STK33: variants seen among roughly 807,000 people sequenced by gnomAD.
STK33 encodes serine/threonine kinase 33.
Under a neutral mutation model 58.0 loss-of-function variants are expected in STK33, and 52 were observed. The observed-to-expected ratio is 0.90, with a 90% CI of 0.72 to 1.13. The LOEUF is 1.13. STK33 is among the 50% of genes most tolerant of loss of function. The pLI, the probability that STK33 is intolerant of heterozygous loss-of-function variation, is 0.00. For synonymous variants in STK33, 215 were observed against 200.1 expected, an observed-to-expected ratio of 1.07 and a Z score of -0.63; for missense variants, 630 against 604.2, an observed-to-expected ratio of 1.04 and a Z score of -0.45.
intron 6 of STK33, chr11:8,465,782 A>C (rs1404407182): frequency 6.5e-6 from 1 of 153,008 alleles, no homozygotes; most frequent in Admixed American, 6.5e-5. Context: ...TTTCACATTC[A>C]CCATGTGTAT....
chr11:8,569,629 T>C (rs1390353962), intron 1 of STK33, among the ~76,000 whole-genome samples: 2 of 152,144 alleles, frequency 1.3e-5, no homozygotes, highest in Non-Finnish European at 2.9e-5. Context: ...CATCAAAATG[T>C]AAGACTTCTA....
At chr11:8,498,677 C>T (rs1951256461) in intron 1 of STK33, among the ~76,000 whole-genome samples, 1 of 152,188 alleles carries the variant, frequency 6.6e-6, no homozygotes. Flanking sequence ...TACCTAACTT[C>T]AAACTATATA....
At chr11:8,349,393 T>A in the STK33 span, among the ~76,000 whole-genome samples, 1 of 152,216 alleles carries the variant, frequency 6.6e-6, no homozygotes, top group Admixed American at 6.5e-5. Context: ...AGTATAGAGT[T>A]AGTTCGTTCC....
At chr11:8,537,504 T>C (rs1009091694) in intron 1 of STK33, among the ~76,000 whole-genome samples, 2 of 152,210 alleles carry the variant, frequency 1.3e-5, no homozygotes, top group Non-Finnish European at 2.9e-5. Flanking sequence ...GTCATCTCAA[T>C]ATTGGTGTCT....
At chr11:8,381,275 G>A in the STK33 span, among the ~76,000 whole-genome samples, 1 of 152,128 alleles carries the variant, frequency 6.6e-6, no homozygotes, top group Non-Finnish European at 1.5e-5. Context: ...AAAAAATTAA[G>A]AAAACACACC....
chr11:8,481,376 G>C (rs1237779434), intron 1 of STK33, among the ~76,000 whole-genome samples: 3 of 152,180 alleles, frequency 2.0e-5, no homozygotes, highest in African/African-American at 7.2e-5. Context: ...AGCCCCTCCA[G>C]GGCAGGAACC....
At chr11:8,592,169 T>C (rs2032716274) in intron 1 of STK33, among the ~76,000 whole-genome samples, 1 of 152,118 alleles carries the variant, frequency 6.6e-6, no homozygotes, top group Admixed American at 6.6e-5. Context: ...GTTTTCTGCC[T>C]TGCCCTGTAG....
intron 1 of STK33, among the ~76,000 whole-genome samples, chr11:8,535,273 T>C (rs770900774): frequency 6.6e-6 from 1 of 152,102 alleles, no homozygotes; most frequent in Non-Finnish European, 1.5e-5. Flanking sequence ...TCCCAATCAA[T>C]GCAAAAATTT....
At chr11:8,397,349 C>A (rs576115525) in intron 15 of STK33, among the ~76,000 whole-genome samples, 1 of 152,240 alleles carries the variant, frequency 6.6e-6, no homozygotes, top group Non-Finnish European at 1.5e-5. Flanking sequence ...CCCAGGCAAA[C>A]AGGGTCTGGA....
Position 8,413,359 on chromosome 11 carries a change from A to G in STK33, c.1344+136T>C, listed in dbSNP as rs112362167. On this transcript the variant is annotated intron_variant, in intron 15 of 15. Coordinates refer to ENST00000687296, the MANE Select transcript of STK33 (RefSeq NM_001352389.2). ...AAATCATGCTAGCCTTATAAGGCAGAAAGAACTTTACTTGCTATATAACGC... is the reference window on the plus strand; with the variant it reads ...AAATCATGCTAGCCTTATAAGGCAGGAAGAACTTTACTTGCTATATAACGC... 9.6e-6 allele frequency: 9 copies of G among 938,316 alleles called. No individual in the cohort carries two copies. In the African/African-American group the frequency reaches 1.5e-4, roughly 15 times the overall value. 58.1% of individuals were successfully genotyped at this position (938,316 alleles called of 1,614,324 possible).
chr11:8,435,355 CAA>C (rs1347055862), intron 14 of STK33, 137 bp downstream of exon 14: 5 of 427,594 alleles, frequency 1.2e-5, no homozygotes, highest in Non-Finnish European at 4.0e-6. Context: ...AGAAATTTGT[CAA>C]GACTCAATGT....
At chr11:8,563,595 T>C (rs1159548935) in intron 1 of STK33, among the ~76,000 whole-genome samples, 3 of 152,170 alleles carry the variant, frequency 2.0e-5, no homozygotes, top group Admixed American at 6.6e-5. Flanking sequence ...ACAGCTATAT[T>C]GTACTTTTCG....
rs117617807 is a variant in STK33 at position 8,490,750 on chromosome 11, G to T, written c.-465-10136C>A. ...ATCAGGCAGAAATATTTGCTGTTCT[G>T]CAATCTTTGTTGTTCTGCAGCCTCT... On this transcript the variant is annotated intron_variant, in intron 1 of 15. Coordinates refer to ENST00000687296, the MANE Select transcript of STK33 (RefSeq NM_001352389.2). 3.9e-3 allele frequency among the ~76,000 whole-genome samples: 588 copies of T among 152,262 alleles called. 3 individuals are homozygous for T. The highest frequency in any genetic ancestry group is 0.017 in the Middle Eastern group (5 of 292).
chr11:8,566,797 T>G (rs1368585913), intron 1 of STK33, among the ~76,000 whole-genome samples: 2 of 152,176 alleles, frequency 1.3e-5, no homozygotes, highest in African/African-American at 4.8e-5. Flanking sequence ...TGACCTCTAG[T>G]GGAAATTTTT....
In STK33 at chr11:8,425,870, G is replaced by A. The variant is rs967852312; in HGVS notation, c.1146+9624C>T. On this transcript the variant is annotated intron_variant, in intron 14 of 15. Coordinates refer to ENST00000687296, the MANE Select transcript of STK33 (RefSeq NM_001352389.2). ...GTGGCTCGCTTCTTCTGTGTCCCGC[G>A]GCTCAAACCTCTAGAGGGAGGATGC... Among the ~76,000 whole-genome samples, 6 of 152,102 alleles carry A rather than the reference G, an allele frequency of 3.9e-5. No individual in the cohort carries two copies. In the East Asian group the frequency reaches 5.8e-4, roughly 15 times the overall value.
At position 8,461,823 on chromosome 11, in the gene STK33, T is replaced by G. The variant is rs186194677; in HGVS notation, c.540A>C (p.Gln180His). The G allele has an allele frequency of 6.3e-7, 1 of 1,591,558 alleles. No individual in the cohort carries two copies. The highest frequency in any genetic ancestry group is 1.4e-5 in the African/African-American group (1 of 73,618). ...GGTTTACCTTTGGCGTTTCAAATACTTGTTCCAGATGTATGATGTGTTCAT... is the reference window on the plus strand; with the variant it reads ...GGTTTACCTTTGGCGTTTCAAATACGTGTTCCAGATGTATGATGTGTTCAT... ...VKHEHIIHLE[Q>H]VFETPKKMYL... The change falls in exon 8 of 16, where the codon CAA (glutamine) becomes CAC (histidine). Residue 180 changes from glutamine (Q) to histidine (H), a missense_variant. Physicochemically the swap from Gln to His is conservative, Grantham distance 24. Coordinates refer to ENST00000687296, the MANE Select transcript of STK33 (RefSeq NM_001352389.2).
the STK33 span, among the ~76,000 whole-genome samples, chr11:8,385,135 G>A: frequency 6.6e-6 from 1 of 152,124 alleles, no homozygotes; most frequent in African/African-American, 2.4e-5. Flanking sequence ...CTATCAATTT[G>A]ATTTCCAAAA....
the STK33 span, among the ~76,000 whole-genome samples, chr11:8,374,951 G>A: frequency 6.6e-6 from 1 of 152,264 alleles, no homozygotes; most frequent in Admixed American, 6.5e-5. Context: ...GGGATATTTG[G>A]CAGGGAAGTA....
intron 1 of STK33, among the ~76,000 whole-genome samples, chr11:8,592,240 C>G (rs1379464434): frequency 1.3e-5 from 2 of 152,116 alleles, no homozygotes; most frequent in African/African-American, 4.8e-5. Context: ...CTAATTCCAG[C>G]CAAAGCCCAG....
Sources: allele counts gnomAD v4.1 joint callset (sites outside exome capture counted in the v4.1 genomes callset), GRCh38; gene constraint gnomAD v4.1.1; transcripts MANE v1.5; gene names NCBI Gene and HGNC (gene_info 2026-07-23, HGNC 2026-07-21).